The following PTPRN2 variants were observed in gnomAD, a reference collection of about 807,000 sequenced individuals.
PTPRN2 encodes the protein receptor-type tyrosine-protein phosphatase N2.
In PTPRN2, 74 loss-of-function variants were observed where a neutral mutation model predicts 118.8. The observed-to-expected ratio is 0.62, with a 90% confidence interval of 0.52 to 0.76. The LOEUF (loss-of-function observed/expected upper bound fraction) is 0.76, where lower values mean the gene tolerates loss of function less well. Among genes scored for constraint, PTPRN2 ranks in the 30% least tolerant of loss-of-function variants. The probability of loss-of-function intolerance (pLI) is 0.00; values close to 1 mark genes in which losing one functional copy is unlikely to be tolerated. For synonymous variants in PTPRN2, 641 were observed against 608.0 expected (o/e 1.05, Z -0.80); for missense variants, 1,481 against 1,394.4 (o/e 1.06, Z -0.99).
At chr7:157,568,715 G>A (rs537038589) in intron 21 of PTPRN2, among the ~76,000 whole-genome samples, 187 bp downstream of exon 21, 1 of 152,372 alleles carries the variant, frequency 6.6e-6, no homozygotes, top group South Asian at 2.1e-4. Context: ...GGCACGCAGA[G>A]GCAGGTAACA....
At chr7:158,432,707 C>T (rs1341645161) in intron 2 of PTPRN2, among the ~76,000 whole-genome samples, 1 of 152,196 alleles carries the variant, frequency 6.6e-6, no homozygotes, top group Non-Finnish European at 1.5e-5. Flanking sequence ...CTTGGTGCTG[C>T]CTGAAGACGC....
At chr7:158,343,213 C>T (rs1807200493) in intron 2 of PTPRN2, among the ~76,000 whole-genome samples, 1 of 152,074 alleles carries the variant, frequency 6.6e-6, no homozygotes, top group African/African-American at 2.4e-5. Context: ...ACAACAACAA[C>T]AAAAAACCTG....
rs547104295 is a variant in PTPRN2 at position 157,562,097 on chromosome 7, G to A, written c.2902+6805C>T. On this transcript the variant is annotated intron_variant, in intron 21 of 22. Transcript: ENST00000389418. ...AAGAACCTGCAAAGCCCTGAGTCCT[G>A]GAGCCAAAGGAGGCAGAGTGGCCCA... Among the ~76,000 whole-genome samples the A allele has an allele frequency of 4.6e-5, 7 of 152,320 alleles. No homozygotes were observed. In the South Asian group the frequency reaches 8.3e-4, roughly 18 times the overall value.
intron 12 of PTPRN2, among the ~76,000 whole-genome samples, chr7:157,815,171 G>A (rs1004098830): frequency 6.6e-6 from 1 of 152,240 alleles, no homozygotes; most frequent in Admixed American, 6.5e-5. Flanking sequence ...CAGCCTCACC[G>A]TCCTCACCTG....
intron 11 of PTPRN2, among the ~76,000 whole-genome samples, chr7:158,013,513 C>A (rs1806191523): frequency 6.6e-6 from 1 of 151,872 alleles, no homozygotes; most frequent in Non-Finnish European, 1.5e-5. Flanking sequence ...TTCATCTGTT[C>A]ATCCATCCAT....
intron 3 of PTPRN2, among the ~76,000 whole-genome samples, chr7:158,213,674 T>C (rs1585868289): frequency 2.6e-5 from 4 of 152,320 alleles, no homozygotes; most frequent in Admixed American, 2.6e-4. Context: ...TATATAGCTA[T>C]TTCTGATCCA....
chr7:158,033,706 T>A (rs768157952), intron 11 of PTPRN2, among the ~76,000 whole-genome samples: 1 of 149,870 alleles, frequency 6.7e-6, no homozygotes, highest in South Asian at 2.1e-4. Flanking sequence ...TCAGCAATGC[T>A]GTGTGTGGCT....
At chr7:157,543,657 C>A (rs1750419315) in intron 22 of PTPRN2, among the ~76,000 whole-genome samples, 1 of 152,214 alleles carries the variant, frequency 6.6e-6, no homozygotes, top group African/African-American at 2.4e-5. Context: ...CAGGTGTAAA[C>A]AAAGGCCTGG....
chr7:158,094,843 G>A (rs1269890395), intron 10 of PTPRN2, among the ~76,000 whole-genome samples: 5 of 152,266 alleles, frequency 3.3e-5, no homozygotes, highest in Admixed American at 2.0e-4. Context: ...GCTCCACTGC[G>A]CAGTCCCCAC....
intron 13 of PTPRN2, among the ~76,000 whole-genome samples, chr7:157,668,616 A>G (rs1378769662): frequency 1.3e-5 from 2 of 152,200 alleles, no homozygotes; most frequent in East Asian, 3.9e-4. Flanking sequence ...GTGAACGGGA[A>G]CCGGCTCTGT....
At position 157,622,871 on chromosome 7, in the gene PTPRN2, G is replaced by T. The variant is rs1221644178; in HGVS notation, c.2197-1362C>A. 2.0e-5 allele frequency among the ~76,000 whole-genome samples: 3 copies of T among 152,174 alleles called. No homozygotes were observed. The East Asian group carries it at 5.8e-4, about 29-fold the overall frequency. Reference sequence around the variant, plus strand: ...CGTTGAGAAGCCGCACCGACTGCCTGCTCCACGCAGCGAACGCTTTTCCCC... The same window carrying T: ...CGTTGAGAAGCCGCACCGACTGCCTTCTCCACGCAGCGAACGCTTTTCCCC... On this transcript the variant is annotated intron_variant, in intron 14 of 22. Coordinates refer to ENST00000389418, the MANE Select transcript of PTPRN2 (RefSeq NM_002847.5). This position sits in a 1 kb window ranked among gnomAD's most constrained non-coding sequence, Gnocchi z 5.3.
At chr7:157,597,559 A>G (rs773659711) in intron 16 of PTPRN2, among the ~76,000 whole-genome samples, 6 of 152,070 alleles carry the variant, frequency 3.9e-5, no homozygotes, top group Non-Finnish European at 8.8e-5. Context: ...TAGCACATTT[A>G]GTTGCTTTCA....
At chr7:158,414,268 T>G (rs1247451583) in intron 2 of PTPRN2, among the ~76,000 whole-genome samples, 2 of 152,000 alleles carry the variant, frequency 1.3e-5, no homozygotes, top group African/African-American at 4.8e-5. Flanking sequence ...ACAGCAGCAC[T>G]AAACCATGAG....
At chr7:157,654,613 G>A (rs1805948321) in intron 14 of PTPRN2, among the ~76,000 whole-genome samples, 1 of 152,206 alleles carries the variant, frequency 6.6e-6, no homozygotes, top group African/African-American at 2.4e-5. Context: ...CAGGGTGTCT[G>A]GAGTCAGGCT....
chr7:158,373,056 G>C (rs1456492506), intron 2 of PTPRN2, among the ~76,000 whole-genome samples: 1 of 152,224 alleles, frequency 6.6e-6, no homozygotes, highest in South Asian at 2.1e-4. Flanking sequence ...ACGGCCGAAG[G>C]TTCCACCCAG....
At chr7:157,712,042 GGGGGA>G (rs1798666013) in intron 12 of PTPRN2, among the ~76,000 whole-genome samples, 1 of 77,074 alleles carries the variant, frequency 1.3e-5, no homozygotes, top group Non-Finnish European at 2.6e-5. Context: ...CACATGAGTG[GGGGGA>G]GGGGCTGCGT....
chr7:158,048,713 AC>A (rs1387974112), intron 11 of PTPRN2, among the ~76,000 whole-genome samples: 20 of 152,006 alleles, frequency 1.3e-4, no homozygotes, highest in South Asian at 2.1e-4. Flanking sequence ...CATCACCATC[AC>A]CATCATATCA....
In PTPRN2 at chr7:157,907,584, G is replaced by T. The variant is rs1231550416; in HGVS notation, c.1724-8847C>A. Among the ~76,000 whole-genome samples the T allele has an allele frequency of 2.8e-5, 4 of 142,482 alleles. No homozygotes were observed. In the East Asian group the frequency reaches 8.5e-4, roughly 30 times the overall value. 93.5% of individuals were successfully genotyped at this position (142,482 alleles called of 152,430 possible). A position where few individuals can be genotyped will look rare whatever the true frequency, so the allele number is the denominator to read the frequency against. ...TGTCTCCTGTGTGTGAGGTGTCCCG[G>T]GTGGCAGTATCTCCCTGTCCCCTGC... On this transcript the variant is annotated intron_variant, in intron 11 of 22. Coordinates refer to ENST00000389418, the MANE Select transcript of PTPRN2 (RefSeq NM_002847.5).
chr7:158,469,005 T>C lies in PTPRN2; in HGVS notation c.163+20730A>G, dbSNP rs1270320081. Among the ~76,000 whole-genome samples the C allele has an allele frequency of 5.3e-5, 8 of 151,170 alleles. 1 individual carries two copies. Among genetic ancestry groups the C allele is most frequent in the East Asian group, 4.0e-4 (2 of 4,940 alleles). ...CACACCCATGCACACTCCCGGTGGA[T>C]CAACACTATGCACACCCACACACAC... On this transcript the variant is annotated intron_variant, in intron 2 of 22. Transcript: ENST00000389418.
Sources: gnomAD v4.1 joint callset for allele counts (sites outside exome capture counted in the v4.1 genomes callset) on GRCh38, gnomAD v4.1.1 for gene constraint, Gnocchi (gnomAD v3.1) non-coding constraint, MANE v1.5 for transcripts, NCBI Gene and HGNC (gene_info 2026-07-23, HGNC 2026-07-21) for gene names.